The following MYO1H variants were observed in gnomAD, a reference collection of about 807,000 sequenced individuals.
MYO1H encodes unconventional myosin-Ih.
A neutral mutation model predicts 149.3 loss-of-function variants in MYO1H; 118 were observed. That is an observed-to-expected ratio of 0.79 (90% CI 0.68 to 0.92). The LOEUF (loss-of-function observed/expected upper bound fraction) is 0.92, where lower values mean the gene tolerates loss of function less well. Ranked by LOEUF, MYO1H falls within the 40% of genes least tolerant of loss-of-function variation. The pLI is 0.00. For missense variants in MYO1H, 1,212 were observed against 1,280.7 expected (o/e 0.95, Z 0.82); for synonymous variants, 447 against 465.2 (o/e 0.96, Z 0.50).
intron 1 of MYO1H, among the ~76,000 whole-genome samples, chr12:109,351,009 T>A (rs1427551546): frequency 1.3e-5 from 2 of 152,212 alleles, no homozygotes; most frequent in Non-Finnish European, 2.9e-5. Context: ...TAATTATTTT[T>A]ACCCTGAGTG....
At chr12:109,365,401 G>A (rs1868846673) in intron 1 of MYO1H, among the ~76,000 whole-genome samples, 1 of 152,212 alleles carries the variant, frequency 6.6e-6, no homozygotes, top group South Asian at 2.1e-4. Context: ...CAGGCAGATG[G>A]CTGTATCTAG....
chr12:109,405,855 A>G lies in MYO1H; in HGVS notation c.850-67A>G, dbSNP rs1343232132. On this transcript the variant is annotated intron_variant, in intron 7 of 31. Transcript: ENST00000310903. ...GTGTCTCCACTAATGACATGTATCAATTAGGCGGCCACCGTTCTCTTTCCC... is the reference window on the plus strand; with the variant it reads ...GTGTCTCCACTAATGACATGTATCAGTTAGGCGGCCACCGTTCTCTTTCCC... The G allele has an allele frequency of 8.9e-6, 10 of 1,122,170 alleles. 1 individual carries two copies. The South Asian group carries it at 1.3e-4, about 14-fold the overall frequency. 69.5% of individuals were successfully genotyped at this position (1,122,170 alleles called of 1,614,324 possible).
At chr12:109,393,551 C>CCATCCATCCATTCATCCATT in intron 3 of MYO1H, 105 bp downstream of exon 3, 2 of 607,986 alleles carry the variant, frequency 3.3e-6, no homozygotes, top group East Asian at 5.7e-5. Context: ...ATCCATCCAT[C>CCATCCATCCATTCATCCATT]CATCCATCCA....
chr12:109,326,926 CT>C, the MYO1H span, among the ~76,000 whole-genome samples: 2 of 152,036 alleles, frequency 1.3e-5, no homozygotes, highest in African/African-American at 4.8e-5. Flanking sequence ...AACTTATAAA[CT>C]TTCCCCCCAC....
rs1207034312 is a variant in MYO1H, at chr12:109,396,499, G to T, written c.406G>T (p.Glu136Ter). The T allele has an allele frequency of 1.2e-6, 2 of 1,613,830 alleles. No individual in the cohort carries two copies. Among genetic ancestry groups the T allele is most frequent in the Non-Finnish European group, 1.7e-6 (2 of 1,179,890 alleles). Residue 136 changes from glutamate to a stop codon, truncating the protein, a stop_gained, in exon 4 of 32, where the codon GAG (glutamate) becomes TAG (stop). Transcript: ENST00000310903. LOFTEE classifies it high-confidence loss of function. ...AACAGAGGCCTCCAAGAAAATTCTC[G>T]AGTATTTTGCAGTGACCTGCCCAAT...
intron 1 of MYO1H, among the ~76,000 whole-genome samples, chr12:109,363,245 A>T (rs571056735): frequency 6.6e-6 from 1 of 152,358 alleles, no homozygotes; most frequent in Non-Finnish European, 1.5e-5. Context: ...TGTTGTGAGT[A>T]CATTTCATTT....
chr12:109,444,640 G>A lies in MYO1H; in HGVS notation c.2993+111G>A. The stretch of plus-strand genomic sequence containing the variant: ...CCAGCACTTTGGGAGGCTGAGGTGA[G>A]CAGATAACTTGAGGCTAGGAGTTCA... On this transcript the variant is annotated intron_variant, in intron 30 of 31. Transcript: ENST00000310903. 3 of 809,734 alleles carry A rather than the reference G, an allele frequency of 3.7e-6. No homozygotes were observed. The Admixed American group carries it at 6.2e-5, about 17-fold the overall frequency. 50.2% of individuals were successfully genotyped at this position (809,734 alleles called of 1,614,324 possible).
rs1205881623 is a variant in MYO1H at position 109,396,821 on chromosome 12, T to G, written c.489+239T>G. 2.1e-3 allele frequency among the ~76,000 whole-genome samples: 250 copies of G among 121,242 alleles called. 2 individuals carry two copies. The highest frequency in any genetic ancestry group is 7.2e-3 in the African/African-American group (230 of 31,772). The allele number at this position is 121,242 out of a possible 152,430, so 79.5% of individuals were successfully genotyped here. A position where few individuals can be genotyped will look rare whatever the true frequency, so the allele number is the denominator to read the frequency against. On this transcript the variant is annotated intron_variant, in intron 4 of 31. Transcript: ENST00000310903. Reference sequence around the variant, plus strand: ...GGTTTTTGTTTTGGTTTCGTTTTTTTTTTTTTTTTTTTTTTTTTTTTTTGA... The same window carrying G: ...GGTTTTTGTTTTGGTTTCGTTTTTTGTTTTTTTTTTTTTTTTTTTTTTTGA...
intron 1 of MYO1H, among the ~76,000 whole-genome samples, chr12:109,355,503 G>GAT (rs149534002): frequency 1.4e-3 from 208 of 152,146 alleles, no homozygotes; most frequent in South Asian, 7.7e-3. Flanking sequence ...ATGGGCCTGG[G>GAT]ATATACCCTT....
At chr12:109,363,942 G>A (rs1168352926) in intron 1 of MYO1H, among the ~76,000 whole-genome samples, 1 of 151,916 alleles carries the variant, frequency 6.6e-6, no homozygotes, top group African/African-American at 2.4e-5. Flanking sequence ...GCTCAAGCCT[G>A]TAATCCCAGC....
chr12:109,426,154 G>C (rs1255061413), intron 18 of MYO1H, 103 bp downstream of exon 18: 6 of 767,766 alleles, frequency 7.8e-6, no homozygotes, highest in Non-Finnish European at 1.4e-5. Context: ...AAGCTTGCTC[G>C]ATGTCCTCTG....
chr12:109,436,864 G>A (rs1391575384), intron 22 of MYO1H, among the ~76,000 whole-genome samples: 1 of 152,122 alleles, frequency 6.6e-6, no homozygotes, highest in East Asian at 1.9e-4. Context: ...TGAGGCGCGT[G>A]GATTACTTGA....
chr12:109,362,697 G>A lies in MYO1H; in HGVS notation c.12+14725G>A, dbSNP rs149054684. Among the ~76,000 whole-genome samples the A allele has an allele frequency of 2.0e-3, 298 of 152,276 alleles. 1 individual carries two copies. Among genetic ancestry groups the A allele is most frequent in the Admixed American group, 4.1e-3 (62 of 15,298 alleles). ...TGTCCACATTCTTCTTGGTATTTCC[G>A]TGTCTTCACAGATGAGGACATTCCT... On this transcript the variant is annotated intron_variant, in intron 1 of 31. Coordinates refer to ENST00000310903, the Ensembl canonical transcript of MYO1H.
At chr12:109,328,170 G>T in the MYO1H span, among the ~76,000 whole-genome samples, 1 of 150,488 alleles carries the variant, frequency 6.6e-6, no homozygotes, top group Non-Finnish European at 1.5e-5. Context: ...GTGTGTGTGT[G>T]TGTGATGCCT....
Position 109,420,222 on chromosome 12 carries a change from C to T in MYO1H, c.1598-759C>T, listed in dbSNP as rs997036268. On this transcript the variant is annotated intron_variant, in intron 15 of 31. Transcript: ENST00000310903. Reference sequence around the variant, plus strand: ...GACTATGCATATTTATACGACAGCTCATCAGGATTGAGTATAGCATTTGTG... The same window carrying T: ...GACTATGCATATTTATACGACAGCTTATCAGGATTGAGTATAGCATTTGTG... Among the ~76,000 whole-genome samples the T allele has an allele frequency of 4.6e-5, 7 of 152,300 alleles. No homozygotes were observed. The East Asian group carries it at 1.3e-3, about 29-fold the overall frequency.
At chr12:109,337,010 A>G in the MYO1H span, among the ~76,000 whole-genome samples, 26 of 152,222 alleles carry the variant, frequency 1.7e-4, no homozygotes, top group African/African-American at 6.3e-4. Context: ...AAAAACAGGA[A>G]CCCACTACCC....
rs187178627 is a variant in MYO1H at position 109,411,528 on chromosome 12, G to A, written c.1411-366G>A. 1.5e-3 allele frequency among the ~76,000 whole-genome samples: 222 copies of A among 152,348 alleles called. 1 individual carries two copies. Among genetic ancestry groups the A allele is most frequent in the African/African-American group, 5.2e-3 (215 of 41,580 alleles). On this transcript the variant is annotated intron_variant, in intron 13 of 31. Coordinates refer to ENST00000310903, the Ensembl canonical transcript of MYO1H. Reference sequence around the variant, plus strand: ...ACTGGTTTTATACCTTTCTTTCCATGAGGGCTTTTCTTCTACAACAAGAGT... The same window carrying A: ...ACTGGTTTTATACCTTTCTTTCCATAAGGGCTTTTCTTCTACAACAAGAGT...
At chr12:109,414,378 G>C (rs1038731752) in intron 14 of MYO1H, among the ~76,000 whole-genome samples, 2 of 151,168 alleles carry the variant, frequency 1.3e-5, no homozygotes, top group Non-Finnish European at 2.9e-5. Context: ...TCAGGAGGCT[G>C]AGGCAGGAGA....
intron 1 of MYO1H, among the ~76,000 whole-genome samples, chr12:109,361,706 G>A (rs748581390): frequency 1.3e-5 from 2 of 151,650 alleles, no homozygotes; most frequent in African/African-American, 4.8e-5. Flanking sequence ...GCTACTTGGA[G>A]GCTGAGGCAG....
Sources: gnomAD v4.1 joint callset for allele counts (sites outside exome capture counted in the v4.1 genomes callset) on GRCh38, gnomAD v4.1.1 for gene constraint, MANE v1.5 for transcripts, NCBI Gene and HGNC (gene_info 2026-07-23, HGNC 2026-07-21) for gene names.